Variants in CTTNBP2 observed in about 807,000 individuals in gnomAD.
CTTNBP2 encodes cortactin-binding protein 2.
CTTNBP2 carries 108 observed loss-of-function variants against 156.9 expected under a neutral mutation model. The observed-to-expected ratio is 0.69, with a 90% CI of 0.59 to 0.81. CTTNBP2 has a LOEUF of 0.81. Among genes scored for constraint, CTTNBP2 ranks in the 30% least tolerant of loss-of-function variants. The pLI, the probability that CTTNBP2 is intolerant of heterozygous loss-of-function variation, is 0.00. For synonymous variants in CTTNBP2, 767 were observed against 751.8 expected (o/e 1.02, Z -0.33); for missense variants, 1,924 against 2,035.4 (o/e 0.95, Z 1.05).
intron 1 of CTTNBP2, among the ~76,000 whole-genome samples, chr7:117,868,237 A>C (rs1804342882): frequency 6.6e-6 from 1 of 152,240 alleles, no homozygotes; most frequent in African/African-American, 2.4e-5. Flanking sequence ...ATTAAAGAAT[A>C]GTCTTGATTA....
rs148662156 is a variant in CTTNBP2 at position 117,760,345 on chromosome 7, A to T, written c.3172+90T>A. ...CCACAAGTAAGCTTTGAATGTGCTT[A>T]ATCAATGAACTAAGAATCAGGTTAT... On this transcript the variant is annotated intron_variant, in intron 10 of 22. Transcript: ENST00000160373. 354 of 1,300,912 alleles carry T rather than the reference A, an allele frequency of 2.7e-4. 1 individual carries two copies. The African/African-American group carries it at 4.5e-3, about 17-fold the overall frequency. The allele number at this position is 1,300,912 out of a possible 1,614,324, so 80.6% of individuals were successfully genotyped here.
intron 20 of CTTNBP2, 56 bp from the exon 21 acceptor site, chr7:117,719,692 A>T: frequency 2.0e-6 from 3 of 1,496,932 alleles, no homozygotes; most frequent in Non-Finnish European, 2.7e-6. Flanking sequence ...CCAATTTGGA[A>T]ATCTAGACAC....
chr7:117,803,427 G>A (rs1007055220), intron 3 of CTTNBP2, among the ~76,000 whole-genome samples: 3 of 152,098 alleles, frequency 2.0e-5, no homozygotes, highest in Admixed American at 6.5e-5. Context: ...TACCTATTGG[G>A]TACTATGCTC....
intron 12 of CTTNBP2, 142 bp downstream of exon 12, chr7:117,756,413 A>C: frequency 1.5e-6 from 1 of 659,076 alleles, no homozygotes; most frequent in Admixed American, 2.4e-5. Flanking sequence ...CCTGCCAGGG[A>C]GGGGGCTGGT....
chr7:117,826,776 A>G (rs1389738467), intron 2 of CTTNBP2, among the ~76,000 whole-genome samples: 2 of 150,906 alleles, frequency 1.3e-5, no homozygotes, highest in African/African-American at 2.4e-5. Flanking sequence ...GAACATCTAT[A>G]AGAAAATATT....
intron 8 of CTTNBP2, among the ~76,000 whole-genome samples, chr7:117,773,366 A>T (rs949452063): frequency 6.6e-6 from 1 of 152,164 alleles, no homozygotes; most frequent in Non-Finnish European, 1.5e-5. Context: ...TATGACTAAA[A>T]GCTAACAATG....
At chr7:117,802,755 A>G (rs1042486121) in intron 3 of CTTNBP2, among the ~76,000 whole-genome samples, 9 of 152,224 alleles carry the variant, frequency 5.9e-5, no homozygotes, top group African/African-American at 2.2e-4. Flanking sequence ...AAAAGAAGAT[A>G]TACGAGTAGT....
chr7:117,843,993 G>C (rs1802425315), intron 2 of CTTNBP2, among the ~76,000 whole-genome samples: 1 of 152,104 alleles, frequency 6.6e-6, no homozygotes, highest in Non-Finnish European at 1.5e-5. Flanking sequence ...GTCATCATAA[G>C]AGGGAGTCAG....
intron 2 of CTTNBP2, among the ~76,000 whole-genome samples, chr7:117,816,632 A>G (rs1343333379): frequency 6.6e-6 from 1 of 152,122 alleles, no homozygotes; most frequent in African/African-American, 2.4e-5. Flanking sequence ...GCCACTTGAA[A>G]TCTCTTCAGT....
chr7:117,780,998 A>T (rs145518967), intron 6 of CTTNBP2, among the ~76,000 whole-genome samples: 3 of 152,336 alleles, frequency 2.0e-5, no homozygotes, highest in African/African-American at 4.8e-5. Flanking sequence ...TGAGATTTTC[A>T]CTTGAGAAAA....
chr7:117,840,414 T>C (rs1802202639), intron 2 of CTTNBP2, among the ~76,000 whole-genome samples: 1 of 152,020 alleles, frequency 6.6e-6, no homozygotes, highest in Non-Finnish European at 1.5e-5. Flanking sequence ...TGGTCCCAGC[T>C]ACTGGAGAGG....
chr7:117,855,569 C>G (rs946240137), intron 2 of CTTNBP2, among the ~76,000 whole-genome samples: 2 of 152,120 alleles, frequency 1.3e-5, no homozygotes, highest in Non-Finnish European at 2.9e-5. Context: ...GGGTAGAGAC[C>G]AAGGATGCTG....
At chr7:117,865,969 A>C (rs1804165165) in intron 1 of CTTNBP2, among the ~76,000 whole-genome samples, 1 of 148,088 alleles carries the variant, frequency 6.8e-6, no homozygotes, top group Non-Finnish European at 1.5e-5. Flanking sequence ...TATATATATA[A>C]TATATACATA....
Position 117,792,535 on chromosome 7 carries a change from T to C in CTTNBP2, c.661A>G (p.Thr221Ala). 6.2e-7 allele frequency: 1 copy of C among 1,614,208 alleles called. No individual in the cohort carries two copies. The highest frequency in any genetic ancestry group is 8.5e-7 in the Non-Finnish European group (1 of 1,180,032). The change falls in exon 4 of 23, where the codon ACA (threonine) becomes GCA (alanine). Residue 221 changes from threonine to alanine, a missense_variant. Physicochemically the swap from Thr to Ala is moderately conservative, Grantham distance 58. Transcript: ENST00000160373. This position sits in a 1 kb window ranked among gnomAD's most constrained non-coding sequence, Gnocchi z 4.2. ...TTTTCCATCTGAGCTTCCATTTCTG[T>C]GCTTCTTCGTTTCTCAGCGGAGAGT... ...EELSAEKRRS[T>A]EMEAQMEKQL...
In CTTNBP2 at chr7:117,746,080, A is replaced by G; in HGVS notation, c.3368T>C (p.Val1123Ala). Residue 1123 changes from valine (V) to alanine (A), a missense_variant, in exon 13 of 23, where the codon GTC (valine) becomes GCC (alanine). By Grantham distance (64) the Val-to-Ala change is moderately conservative. Transcript: ENST00000160373. The part of the protein sequence containing the change: ...YLRLVEQYHN[V>A]IFHGPEGSLQ... ...GCTTCCTTCTGGGCCGTGGAAAATG[A>G]CATTATGATATTGCTCAACCTATTA... 1 of 1,613,866 alleles carries G rather than the reference A, an allele frequency of 6.2e-7. No homozygotes were observed.
chr7:117,777,673 A>G lies in CTTNBP2; in HGVS notation c.2616T>C (p.Asn872=). The part of the protein sequence containing the change: ...LMYHRIPAHG[N]SFNEEESESS... ...ACTCGGACTCCTCCTCATTGAAAGA[A>G]TTTCCATGAGCTGGTATTCTATGGT... The change falls in exon 8 of 23, where the codon AAT becomes AAC. Residue 872 remains asparagine (N), a synonymous_variant. Transcript: ENST00000160373. The G allele has an allele frequency of 6.2e-7, 1 of 1,614,002 alleles. No homozygotes were observed. The highest frequency in any genetic ancestry group is 8.5e-7 in the Non-Finnish European group (1 of 1,179,884).
intron 12 of CTTNBP2, among the ~76,000 whole-genome samples, chr7:117,754,860 A>T (rs1163465683): frequency 6.6e-6 from 1 of 152,238 alleles, no homozygotes; most frequent in African/African-American, 2.4e-5. Flanking sequence ...TTTTACATAT[A>T]ATGTGACTAG....
chr7:117,865,348 A>C (rs1804100635), intron 1 of CTTNBP2, among the ~76,000 whole-genome samples: 1 of 152,028 alleles, frequency 6.6e-6, no homozygotes, highest in Non-Finnish European at 1.5e-5. Context: ...AGTGATGAAA[A>C]GAAACTAAAA....
Position 117,760,488 on chromosome 7 carries a change from G to T in CTTNBP2, c.3119C>A (p.Thr1040Asn). Reference protein sequence around the residue: ...WSLEDVTCNNTTDSNIGLSAR... With the variant: ...WSLEDVTCNNNTDSNIGLSAR... Reference sequence around the variant, plus strand: ...ACTGAGGCCGATGTTGGAATCAGTGGTGTTATTGCAAGTCACGTCTTCCAG... The same window carrying T: ...ACTGAGGCCGATGTTGGAATCAGTGTTGTTATTGCAAGTCACGTCTTCCAG... Residue 1040 changes from threonine (T) to asparagine (N), a missense_variant, in exon 10 of 23, where the codon ACC (threonine) becomes AAC (asparagine). By Grantham distance (65) the Thr-to-Asn change is moderately conservative. Coordinates refer to ENST00000160373, the MANE Select transcript of CTTNBP2 (RefSeq NM_033427.3). The T allele has an allele frequency of 6.2e-7, 1 of 1,614,130 alleles. No homozygotes were observed. The highest frequency in any genetic ancestry group is 8.5e-7 in the Non-Finnish European group (1 of 1,179,986).
Sources: gnomAD v4.1 joint callset for allele counts (sites outside exome capture counted in the v4.1 genomes callset) on GRCh38, gnomAD v4.1.1 for gene constraint, Gnocchi (gnomAD v3.1) non-coding constraint, MANE v1.5 for transcripts, NCBI Gene and HGNC (gene_info 2026-07-23, HGNC 2026-07-21) for gene names.